CNTNAP5: variants seen among roughly 807,000 people sequenced by gnomAD.
The protein encoded by CNTNAP5 is contactin associated protein family member 5, also known as contactin-associated protein-like 5.
A neutral mutation model predicts 150.2 loss-of-function variants in CNTNAP5; 72 were observed. The observed-to-expected ratio is 0.48, with a 90% CI of 0.40 to 0.58. The LOEUF is 0.58. Ranked by LOEUF, CNTNAP5 falls within the 20% of genes least tolerant of loss-of-function variation. The pLI, the probability that CNTNAP5 is intolerant of heterozygous loss-of-function variation, is 0.00. For missense variants in CNTNAP5, 1,636 were observed against 1,626.2 expected (o/e 1.01, Z -0.10); for synonymous variants, 672 against 619.8 (o/e 1.08, Z -1.25).
intron 13 of CNTNAP5, among the ~76,000 whole-genome samples, chr2:124,716,291 A>G (rs1679943504): frequency 6.6e-6 from 1 of 152,184 alleles, no homozygotes; most frequent in Non-Finnish European, 1.5e-5. Flanking sequence ...GTGTGGCACC[A>G]TCATCCATTT....
chr2:124,404,522 C>A (rs1211085251), intron 3 of CNTNAP5, among the ~76,000 whole-genome samples: 1 of 152,198 alleles, frequency 6.6e-6, no homozygotes, highest in African/African-American at 2.4e-5. Flanking sequence ...CAAGGAAGAG[C>A]ATCAGCACCT....
chr2:124,300,312 A>G (rs1688543265), intron 3 of CNTNAP5, among the ~76,000 whole-genome samples: 2 of 152,176 alleles, frequency 1.3e-5, no homozygotes, highest in Admixed American at 1.3e-4. Flanking sequence ...CATTTCCGTA[A>G]TCACAAAGAC....
At chr2:124,183,462 T>A (rs1056036158) in intron 1 of CNTNAP5, among the ~76,000 whole-genome samples, 1 of 152,216 alleles carries the variant, frequency 6.6e-6, no homozygotes, top group South Asian at 2.1e-4. Context: ...GAGATGTATA[T>A]TCAATGTGTC....
intron 14 of CNTNAP5, among the ~76,000 whole-genome samples, chr2:124,751,960 A>T (rs1680736484): frequency 6.6e-6 from 1 of 152,178 alleles, no homozygotes; most frequent in African/African-American, 2.4e-5. Context: ...CAGAGATGAT[A>T]AATGGTTCGG....
intron 13 of CNTNAP5, among the ~76,000 whole-genome samples, chr2:124,726,277 G>T (rs949101914): frequency 6.6e-6 from 1 of 152,112 alleles, no homozygotes; most frequent in Non-Finnish European, 1.5e-5. Context: ...TAATCCCCGT[G>T]TGTCAAGAGA....
chr2:124,720,370 A>G (rs1211223883), intron 13 of CNTNAP5, among the ~76,000 whole-genome samples: 1 of 152,198 alleles, frequency 6.6e-6, no homozygotes, highest in African/African-American at 2.4e-5. Flanking sequence ...TTCTGAAAAC[A>G]TGTGTTCCCT....
chr2:124,855,374 C>G (rs550171688), intron 19 of CNTNAP5, among the ~76,000 whole-genome samples: 1 of 151,854 alleles, frequency 6.6e-6, no homozygotes, highest in African/African-American at 2.4e-5. Context: ...GGCAGGGTTT[C>G]GCCATGTTGG....
intron 19 of CNTNAP5, among the ~76,000 whole-genome samples, chr2:124,823,428 A>G (rs1222093865): frequency 6.6e-6 from 1 of 152,200 alleles, no homozygotes; most frequent in Non-Finnish European, 1.5e-5. Context: ...CCTTTCAAAG[A>G]CCGTCACCAC....
At chr2:124,801,127 C>T (rs1197178283) in intron 19 of CNTNAP5, among the ~76,000 whole-genome samples, 1 of 152,122 alleles carries the variant, frequency 6.6e-6, no homozygotes, top group East Asian at 1.9e-4. Flanking sequence ...CATCTCTTGC[C>T]ATCTCCTTAT....
chr2:124,028,880 A>G (rs780015330), intron 1 of CNTNAP5, among the ~76,000 whole-genome samples: 7 of 152,146 alleles, frequency 4.6e-5, no homozygotes, highest in Non-Finnish European at 1.5e-5. Context: ...CAGCAGGTAA[A>G]TATGTTACTG....
At chr2:124,242,134 G>C in intron 2 of CNTNAP5, 66 bp from the exon 3 acceptor site, 1 of 1,297,224 alleles carries the variant, frequency 7.7e-7, no homozygotes, top group Admixed American at 2.1e-5. Flanking sequence ...CCCTTTGATA[G>C]TTGAAAATTG....
At chr2:124,305,589 A>C (rs1444571229) in intron 3 of CNTNAP5, among the ~76,000 whole-genome samples, 1 of 152,214 alleles carries the variant, frequency 6.6e-6, no homozygotes, top group African/African-American at 2.4e-5. Context: ...CCAGTGCAAC[A>C]GTGTTGAAAA....
chr2:124,488,039 G>T (rs192061065), intron 7 of CNTNAP5, among the ~76,000 whole-genome samples: 17 of 152,134 alleles, frequency 1.1e-4, no homozygotes, highest in Non-Finnish European at 2.5e-4. Context: ...CAAACTATAA[G>T]CTAATAAATA....
At chr2:124,815,960 G>A (rs1028758793) in intron 19 of CNTNAP5, among the ~76,000 whole-genome samples, 1 of 152,146 alleles carries the variant, frequency 6.6e-6, no homozygotes, top group Admixed American at 6.5e-5. Context: ...TTAAAATGAT[G>A]AAACCAGGAC....
intron 13 of CNTNAP5, among the ~76,000 whole-genome samples, chr2:124,700,288 A>T (rs771814235): frequency 6.6e-6 from 1 of 152,278 alleles, no homozygotes; most frequent in Non-Finnish European, 1.5e-5. Context: ...TGGATTATTT[A>T]TACTATTTGG....
chr2:124,599,209 C>T (rs182035898), intron 11 of CNTNAP5, among the ~76,000 whole-genome samples: 2 of 152,158 alleles, frequency 1.3e-5, no homozygotes, highest in East Asian at 3.9e-4. Context: ...AAAATTTGAT[C>T]GTGGTCTGCA....
At chr2:124,203,666 C>A (rs559060362) in intron 1 of CNTNAP5, among the ~76,000 whole-genome samples, 6 of 152,224 alleles carry the variant, frequency 3.9e-5, no homozygotes, top group Admixed American at 6.5e-5. Context: ...AGGTACAACA[C>A]CAGATGTGAG....
At chr2:124,346,407 A>C (rs916795193) in intron 3 of CNTNAP5, among the ~76,000 whole-genome samples, 10 of 152,188 alleles carry the variant, frequency 6.6e-5, no homozygotes, top group African/African-American at 2.4e-4. Context: ...AAAATAGTGC[A>C]CCTTTTTTCA....
chr2:124,861,124 G>A (rs535501015), intron 19 of CNTNAP5, among the ~76,000 whole-genome samples: 15 of 151,906 alleles, frequency 9.9e-5, no homozygotes, highest in Admixed American at 5.9e-4. Flanking sequence ...GGAGTGTAAC[G>A]ATGTCTAGTA....
Sources: allele counts gnomAD v4.1 joint callset (sites outside exome capture counted in the v4.1 genomes callset), GRCh38; gene constraint gnomAD v4.1.1; transcripts MANE v1.5; gene names NCBI Gene and HGNC (gene_info 2026-07-23, HGNC 2026-07-21).